DOCK1: variants seen among roughly 807,000 people sequenced by gnomAD.
The protein encoded by DOCK1 is dedicator of cytokinesis protein 1.
In DOCK1, 138 loss-of-function variants were observed where a neutral mutation model predicts 262.7. The ratio of observed to expected loss-of-function variants is 0.53; its 90% CI spans 0.46 to 0.61. DOCK1 has a LOEUF of 0.61. Ranked by LOEUF, DOCK1 falls within the 20% of genes least tolerant of loss-of-function variation. The probability of loss-of-function intolerance (pLI) is 0.00; values close to 1 mark genes in which losing one functional copy is unlikely to be tolerated. For synonymous variants in DOCK1, 866 were observed against 867.4 expected (o/e 1.00, Z 0.03); for missense variants, 1,908 against 2,370.7 (o/e 0.80, Z 4.05).
At chr10:127,324,051 T>C (rs1027264617) in intron 29 of DOCK1, among the ~76,000 whole-genome samples, 3 of 152,184 alleles carry the variant, frequency 2.0e-5, no homozygotes, top group African/African-American at 7.2e-5. Flanking sequence ...CCAGCTCAGC[T>C]GTGAGTGGTC....
intron 45 of DOCK1, among the ~76,000 whole-genome samples, chr10:127,419,027 CT>C (rs971276932): frequency 1.3e-5 from 2 of 152,190 alleles, no homozygotes; most frequent in African/African-American, 4.8e-5. Flanking sequence ...AACTGCAGTT[CT>C]TTTGGAAGAA....
intron 28 of DOCK1, among the ~76,000 whole-genome samples, chr10:127,255,447 A>G (rs997165402): frequency 1.3e-5 from 2 of 152,222 alleles, no homozygotes; most frequent in Admixed American, 6.5e-5. Flanking sequence ...ATAAATCCAC[A>G]TTGAATGATG....
chr10:127,186,728 G>C (rs1425505364), intron 27 of DOCK1, among the ~76,000 whole-genome samples: 1 of 151,992 alleles, frequency 6.6e-6, no homozygotes, highest in Non-Finnish European at 1.5e-5. Flanking sequence ...GCAGTACTTA[G>C]GAATCTCATG....
intron 1 of DOCK1, among the ~76,000 whole-genome samples, chr10:126,968,137 C>T (rs1359779922): frequency 1.3e-5 from 2 of 152,126 alleles, no homozygotes; most frequent in Non-Finnish European, 2.9e-5. Flanking sequence ...GGCCAAGATG[C>T]TGAATTTCAT....
At chr10:127,357,906 C>T (rs111469357) in intron 32 of DOCK1, among the ~76,000 whole-genome samples, 1,769 of 152,240 alleles carry the variant, frequency 0.012, 36 homozygotes, top group African/African-American at 0.04. Flanking sequence ...TGCCAGGTGC[C>T]TGAGTGTCTT....
At chr10:127,398,158 C>G (rs1162714177) in intron 38 of DOCK1, among the ~76,000 whole-genome samples, 1 of 152,198 alleles carries the variant, frequency 6.6e-6, no homozygotes, top group Non-Finnish European at 1.5e-5. Context: ...TGCAGGGAAT[C>G]AGGCCTGAGT....
At chr10:127,371,833 C>CA (rs1357085380) in intron 33 of DOCK1, among the ~76,000 whole-genome samples, 3 of 152,040 alleles carry the variant, frequency 2.0e-5, no homozygotes, top group Non-Finnish European at 4.4e-5. Flanking sequence ...TATGTGATTC[C>CA]AAAAAGAACT....
chr10:126,955,204 C>A (rs1026967985), intron 1 of DOCK1, among the ~76,000 whole-genome samples: 7 of 152,190 alleles, frequency 4.6e-5, no homozygotes, highest in Non-Finnish European at 8.8e-5. Context: ...CAGCTCACTG[C>A]AACCTCTGCC....
In DOCK1 at chr10:127,384,797, A is replaced by G; in HGVS notation, c.3815A>G (p.Glu1272Gly). The G allele has an allele frequency of 6.3e-7, 1 of 1,583,200 alleles. No individual in the cohort carries two copies. The highest frequency in any genetic ancestry group is 8.6e-7 in the Non-Finnish European group (1 of 1,169,162). The change falls in exon 38 of 52, where the codon GAG (glutamate) becomes GGG (glycine). Residue 1272 changes from glutamate (E) to glycine (G), a missense_variant. Transcript: ENST00000623213. ...GCTATGCTTCTCCCTTAGTGGTCGG[A>G]GGATGTGTGTGTGGCCCACCTCACC... ...LLHAKLLKWS[E>G]DVCVAHLTQR... is the part of the protein sequence containing the mutation.
Position 127,175,186 on chromosome 10 carries a change from C to T in DOCK1, c.2847+47422C>T, listed in dbSNP as rs756157177. On this transcript the variant is annotated intron_variant, in intron 27 of 51. Coordinates refer to ENST00000623213, the MANE Select transcript of DOCK1 (RefSeq NM_001290223.2). This position sits in a 1 kb window ranked among gnomAD's most constrained non-coding sequence, Gnocchi z 6.3. Reference sequence around the variant, plus strand: ...CTGTGGTGATCAGCCTGCATAGCTTCCTAAGACATGGGTGAACATACATAC... The same window carrying T: ...CTGTGGTGATCAGCCTGCATAGCTTTCTAAGACATGGGTGAACATACATAC... 1.9e-6 allele frequency: 3 copies of T among 1,575,802 alleles called. No individual in the cohort carries two copies. The highest frequency in any genetic ancestry group is 1.7e-5 in the Admixed American group (1 of 58,416).
In DOCK1 at chr10:127,388,647, G is replaced by A. The variant is rs990483865; in HGVS notation, c.3927+3738G>A. On this transcript the variant is annotated intron_variant, in intron 38 of 51. Coordinates refer to ENST00000623213, the MANE Select transcript of DOCK1 (RefSeq NM_001290223.2). ...ACACATGCTCCGAATCCTCCTTTTG[G>A]CTCGGAACCCAGATGAACAGAGGTT... Among the ~76,000 whole-genome samples, 8 of 152,150 alleles carry A rather than the reference G, an allele frequency of 5.3e-5. 1 individual carries two copies. The South Asian group carries it at 1.2e-3, about 24-fold the overall frequency.
chr10:126,920,972 A>G (rs936105822), intron 1 of DOCK1, among the ~76,000 whole-genome samples: 1 of 152,100 alleles, frequency 6.6e-6, no homozygotes, highest in Non-Finnish European at 1.5e-5. Flanking sequence ...CGAGGCGGGC[A>G]GATCACCTGA....
intron 1 of DOCK1, among the ~76,000 whole-genome samples, chr10:126,963,590 C>CTTCCG (rs2037398548): frequency 2.1e-5 from 1 of 46,754 alleles, no homozygotes; most frequent in Non-Finnish European, 4.1e-5. Flanking sequence ...CCTCCCTTCC[C>CTTCCG]TTCCCTTCCC....
chr10:127,447,691 C>A, intron 51 of DOCK1, 146 bp downstream of exon 51: 1 of 1,309,080 alleles, frequency 7.6e-7, no homozygotes. Flanking sequence ...TTTGATTTTG[C>A]AAAAAGATAT....
chr10:127,042,834 CCAAT>C, intron 20 of DOCK1, 120 bp downstream of exon 20: 1 of 1,100,902 alleles, frequency 9.1e-7, no homozygotes, highest in East Asian at 2.4e-5. Context: ...AGTTGTAAAT[CCAAT>C]CAGAGATGAA....
chr10:127,094,630 C>T (rs543218254), intron 23 of DOCK1, among the ~76,000 whole-genome samples: 1 of 152,348 alleles, frequency 6.6e-6, no homozygotes, highest in Admixed American at 6.5e-5. Flanking sequence ...TTGCCTCGTT[C>T]CTGCATCTTT....
intron 10 of DOCK1, 165 bp downstream of exon 10, chr10:127,000,472 T>C: frequency 9.3e-7 from 1 of 1,075,302 alleles, no homozygotes. Flanking sequence ...GGCTTCAAGT[T>C]GACCTGCTAG....
At chr10:127,311,235 A>G (rs1035972035) in intron 29 of DOCK1, among the ~76,000 whole-genome samples, 10 of 152,200 alleles carry the variant, frequency 6.6e-5, no homozygotes, top group African/African-American at 2.4e-4. Flanking sequence ...TGAAGGAGCA[A>G]AGTTCTCATT....
intron 27 of DOCK1, among the ~76,000 whole-genome samples, chr10:127,149,450 G>A (rs1344518073): frequency 6.6e-6 from 1 of 152,148 alleles, no homozygotes; most frequent in Non-Finnish European, 1.5e-5. Flanking sequence ...ATTTTTCACA[G>A]AGAAATATGT....
Sources: allele counts gnomAD v4.1 joint callset (sites outside exome capture counted in the v4.1 genomes callset), GRCh38; gene constraint gnomAD v4.1.1; non-coding constraint Gnocchi (gnomAD v3.1); transcripts MANE v1.5; gene names NCBI Gene and HGNC (gene_info 2026-07-23, HGNC 2026-07-21).